The following VPS13C variants were observed in gnomAD, a reference collection of about 807,000 sequenced individuals.
The protein encoded by VPS13C is intermembrane lipid transfer protein VPS13C.
VPS13C carries 358 observed loss-of-function variants against 456.8 expected under a neutral mutation model. The ratio of observed to expected loss-of-function variants is 0.78; its 90% CI spans 0.72 to 0.86. The LOEUF (loss-of-function observed/expected upper bound fraction) is 0.86, where lower values mean the gene tolerates loss of function less well. Among genes scored for constraint, VPS13C ranks in the 40% least tolerant of loss-of-function variants. VPS13C has a pLI of 0.00. For synonymous variants in VPS13C, 1,578 were observed against 1,486.7 expected (o/e 1.06, Z -1.41); for missense variants, 4,818 against 4,385.4 (o/e 1.10, Z -2.79).
chr15:61,935,385 G>A (rs906716584), intron 48 of VPS13C: 6 of 152,128 alleles, frequency 3.9e-5, no homozygotes, highest in Non-Finnish European at 5.9e-5. Context: ...CTTTAACCAC[G>A]TAAGCCTTCT....
At chr15:61,898,255 T>C (rs1385573352) in intron 66 of VPS13C, among the ~76,000 whole-genome samples, 3 of 151,726 alleles carry the variant, frequency 2.0e-5, no homozygotes, top group Non-Finnish European at 4.4e-5. Flanking sequence ...TATAACAATA[T>C]TAACTTTAAA....
At chr15:61,884,033 C>T in intron 68 of VPS13C, 95 bp downstream of exon 68, 1 of 1,157,734 alleles carries the variant, frequency 8.6e-7, no homozygotes. Flanking sequence ...AAGTTCATTT[C>T]TGCACATGTC....
intron 61 of VPS13C, 134 bp from the exon 62 acceptor site, chr15:61,913,549 T>A (rs1475867603): frequency 6.0e-6 from 4 of 665,738 alleles, no homozygotes; most frequent in South Asian, 2.3e-5. Context: ...AAAGCCATAT[T>A]GCAAACAGGT....
At position 61,985,892 on chromosome 15, in the gene VPS13C, G is replaced by T. The variant is rs114041325; in HGVS notation, c.1579-893C>A. Among the ~76,000 whole-genome samples, 1,169 of 152,154 alleles carry T rather than the reference G, an allele frequency of 7.7e-3. 20 individuals are homozygous for T. The highest frequency in any genetic ancestry group is 0.027 in the African/African-American group (1,118 of 41,498). Reference sequence around the variant, plus strand: ...GAGGCTGTGAAGCTAGGCTAGCAGGGTCAAAATTGGAAATCAGTTCCCACC... The same window carrying T: ...GAGGCTGTGAAGCTAGGCTAGCAGGTTCAAAATTGGAAATCAGTTCCCACC... On this transcript the variant is annotated intron_variant, in intron 18 of 84. Transcript: ENST00000644861.
intron 15 of VPS13C, among the ~76,000 whole-genome samples, chr15:62,006,201 C>T (rs151209131): frequency 0.01 from 1,534 of 151,516 alleles, 31 homozygotes; most frequent in African/African-American, 0.036. Flanking sequence ...TGTGCTGCAC[C>T]CATTAACTCA....
rs1415338111 is a variant in VPS13C at position 61,918,172 on chromosome 15, G to A, written c.7724C>T (p.Pro2575Leu). The change falls in exon 59 of 85, where the codon CCT (proline) becomes CTT (leucine). Residue 2575 changes from proline (P) to leucine (L), a missense_variant. Coordinates refer to ENST00000644861, the MANE Select transcript of VPS13C (RefSeq NM_020821.3). ...KLLERIGIAR[P>L]EEEFHVPLDS... ...TAAAGGAACATGGAACTCCTCTTCA[G>A]GTCTGGCTATCCCAATGCGCTCCAA... The A allele has an allele frequency of 6.2e-7, 1 of 1,600,336 alleles. No individual in the cohort carries two copies. Among genetic ancestry groups the A allele is most frequent in the Non-Finnish European group, 8.5e-7 (1 of 1,175,268 alleles).
At chr15:61,970,783 T>G (rs2045522325) in intron 27 of VPS13C, among the ~76,000 whole-genome samples, 1 of 148,436 alleles carries the variant, frequency 6.7e-6, no homozygotes, top group African/African-American at 2.5e-5. Flanking sequence ...TTGGAGAAAA[T>G]GAAGGTTGCT....
intron 84 of VPS13C, 124 bp downstream of exon 84, chr15:61,854,747 T>TTA: frequency 9.8e-7 from 1 of 1,025,420 alleles, no homozygotes; most frequent in East Asian, 2.6e-5. Flanking sequence ...CATATTAAGT[T>TTA]TATATATCCA....
At chr15:61,864,311 G>A (rs1346432483) in intron 81 of VPS13C, 12 of 850,390 alleles carry the variant, frequency 1.4e-5, no homozygotes, top group Middle Eastern at 6.0e-4. Context: ...ATAAGTAGTA[G>A]CACATTAAAA....
At chr15:61,978,876 T>A in intron 22 of VPS13C, 127 bp from the exon 23 acceptor site, 1 of 789,622 alleles carries the variant, frequency 1.3e-6, no homozygotes, top group Non-Finnish European at 1.9e-6. Context: ...ATACTGCTCT[T>A]AATGAATAAA....
At chr15:61,919,077 A>G (rs1340047480) in intron 58 of VPS13C, among the ~76,000 whole-genome samples, 1 of 152,176 alleles carries the variant, frequency 6.6e-6, no homozygotes, top group Non-Finnish European at 1.5e-5. Flanking sequence ...TTAAGTAAAC[A>G]AAACTACAGA....
At chr15:61,859,369 A>C in intron 82 of VPS13C, among the ~76,000 whole-genome samples, 1 of 152,170 alleles carries the variant, frequency 6.6e-6, no homozygotes, top group Non-Finnish European at 1.5e-5. Context: ...GTTTCAAAAA[A>C]ATAAAATAGC....
At chr15:62,018,127 C>T (rs2047325109) in intron 9 of VPS13C, among the ~76,000 whole-genome samples, 1 of 152,134 alleles carries the variant, frequency 6.6e-6, no homozygotes, top group South Asian at 2.1e-4. Context: ...GATTTTTGCA[C>T]ATTGATTTTG....
chr15:62,044,123 A>G (rs2048328471), intron 2 of VPS13C, 89 bp downstream of exon 2: 1 of 814,108 alleles, frequency 1.2e-6, no homozygotes, highest in African/African-American at 1.8e-5. Flanking sequence ...CACTTTATCT[A>G]GTACATGGTA....
intron 66 of VPS13C, among the ~76,000 whole-genome samples, chr15:61,902,840 C>T (rs1213780396): frequency 7.0e-6 from 1 of 142,986 alleles, no homozygotes; most frequent in Non-Finnish European, 1.5e-5. Flanking sequence ...AAGTCCTAGT[C>T]AAAGCCCTCA....
At chr15:61,954,708 G>A (rs1251254836) in intron 37 of VPS13C, among the ~76,000 whole-genome samples, 154 bp from the exon 38 acceptor site, 1 of 152,088 alleles carries the variant, frequency 6.6e-6, no homozygotes, top group Non-Finnish European at 1.5e-5. Flanking sequence ...ATGGTTTAGT[G>A]GAAGAGACAT....
At chr15:62,017,496 C>G (rs1472751631) in intron 9 of VPS13C, among the ~76,000 whole-genome samples, 2 of 151,798 alleles carry the variant, frequency 1.3e-5, no homozygotes, top group African/African-American at 4.8e-5. Context: ...TTTCAGCTTT[C>G]TACATATGGC....
chr15:62,048,264 C>A (rs35393789), intron 1 of VPS13C, among the ~76,000 whole-genome samples: 2 of 53,172 alleles, frequency 3.8e-5, no homozygotes, highest in South Asian at 1.4e-3. Flanking sequence ...CCACCCCCCC[C>A]AACAGGCCCC....
Position 62,006,144 on chromosome 15 carries a change from C to T in VPS13C, c.1290+1164G>A, listed in dbSNP as rs34500985. 6.0e-3 allele frequency among the ~76,000 whole-genome samples: 903 copies of T among 150,802 alleles called. 4 individuals are homozygous for T. The highest frequency in any genetic ancestry group is 9.4e-3 in the Non-Finnish European group (640 of 67,816). ...TATACTTTAAGTTCTAGGGTACATGCGCACATTGTGCAGGTTTGTTACATA... is the reference window on the plus strand; with the variant it reads ...TATACTTTAAGTTCTAGGGTACATGTGCACATTGTGCAGGTTTGTTACATA... On this transcript the variant is annotated intron_variant, in intron 15 of 84. Transcript: ENST00000644861.
Sources: gnomAD v4.1 joint callset for allele counts (sites outside exome capture counted in the v4.1 genomes callset) on GRCh38, gnomAD v4.1.1 for gene constraint, MANE v1.5 for transcripts, NCBI Gene and HGNC (gene_info 2026-07-23, HGNC 2026-07-21) for gene names.